Variants in MOK observed in about 807,000 individuals in gnomAD.
MOK encodes the protein MOK protein kinase.
MOK carries 59 observed loss-of-function variants against 54.2 expected under a neutral mutation model. The observed-to-expected ratio is 1.09, with a 90% CI of 0.88 to 1.35. The LOEUF (loss-of-function observed/expected upper bound fraction) is 1.35, where lower values mean the gene tolerates loss of function less well. Ranked by LOEUF, MOK falls within the 40% of genes most tolerant of loss-of-function variation. The probability of loss-of-function intolerance (pLI) is 0.00; values close to 1 mark genes in which losing one functional copy is unlikely to be tolerated. For missense variants in MOK, 517 were observed against 526.2 expected (o/e 0.98, Z 0.17); for synonymous variants, 210 against 202.7 (o/e 1.04, Z -0.31).
chr14:102,216,176 A>G, the MOK span, among the ~76,000 whole-genome samples: 4 of 152,198 alleles, frequency 2.6e-5, no homozygotes, highest in African/African-American at 7.2e-5. Flanking sequence ...GTGCTGAACT[A>G]TCTGCACTTT....
At chr14:102,246,590 G>A (rs1039386869) in intron 7 of MOK, among the ~76,000 whole-genome samples, 1 of 152,052 alleles carries the variant, frequency 6.6e-6, no homozygotes, top group Non-Finnish European at 1.5e-5. Flanking sequence ...CCCCTGCTCA[G>A]CCTATAACTG....
intron 7 of MOK, among the ~76,000 whole-genome samples, chr14:102,248,076 A>G (rs562448098): frequency 1.3e-5 from 2 of 152,256 alleles, no homozygotes; most frequent in South Asian, 2.1e-4. Flanking sequence ...GCCTTCCCCC[A>G]TAACCATCAC....
chr14:102,265,849 G>A lies in MOK; in HGVS notation c.186C>T (p.Asn62=), dbSNP rs754599742. The A allele has an allele frequency of 3.7e-6, 6 of 1,613,858 alleles. No homozygotes were observed. Among genetic ancestry groups the A allele is most frequent in the East Asian group, 2.2e-5 (1 of 44,890 alleles). Reference sequence around the variant, plus strand: ...AAACCACTTCATGCAACATAAGAATGTTTGGGTGCGGATTCAGGCGCCTCA... The same window carrying A: ...AAACCACTTCATGCAACATAAGAATATTTGGGTGCGGATTCAGGCGCCTCA... ...QALRRLNPHP[N]ILMLHEVVFD... Residue 62 remains asparagine, a synonymous_variant, in exon 3 of 12, where the codon AAC becomes AAT. Coordinates refer to ENST00000361847, the MANE Select transcript of MOK (RefSeq NM_014226.3).
At chr14:102,254,396 C>T (rs1005006959) in intron 4 of MOK, among the ~76,000 whole-genome samples, 3 of 152,184 alleles carry the variant, frequency 2.0e-5, no homozygotes, top group African/African-American at 7.2e-5. Context: ...CCTTTATCAG[C>T]TTTCCCAAGC....
chr14:102,224,593 A>G, downstream of MOK: 1 of 456,028 alleles, frequency 2.2e-6, no homozygotes, highest in South Asian at 1.5e-5. Flanking sequence ...GCATGTCTTT[A>G]CTTTCAGGCT....
intron 7 of MOK, chr14:102,234,049 A>T: frequency 2.9e-6 from 1 of 340,908 alleles, no homozygotes; most frequent in Non-Finnish European, 5.4e-6. Context: ...CCCAATATAA[A>T]CCCCTCAATC....
chr14:102,295,403 T>G (rs1028775306), intron 1 of MOK, among the ~76,000 whole-genome samples: 30 of 152,196 alleles, frequency 2.0e-4, no homozygotes, highest in African/African-American at 6.8e-4. Flanking sequence ...TTTTGTGAAA[T>G]GCAAAACTTG....
At chr14:102,279,108 C>A (rs1303572318) in intron 2 of MOK, among the ~76,000 whole-genome samples, 1 of 152,160 alleles carries the variant, frequency 6.6e-6, no homozygotes, top group African/African-American at 2.4e-5. Context: ...CCTTTAGAGT[C>A]AGAGCTGGTA....
rs901496253 is a variant in MOK, at chr14:102,263,711, C to T, written c.213-95G>A. On this transcript the variant is annotated intron_variant, in intron 3 of 11. Coordinates refer to ENST00000361847, the MANE Select transcript of MOK (RefSeq NM_014226.3). ...TTCATTTGTAAACATTTCTAGTAAA[C>T]ATTAGGTACTCCCACATCAAATACT... 25 of 757,406 alleles carry T rather than the reference C, an allele frequency of 3.3e-5. No homozygotes were observed. In the African/African-American group the frequency reaches 3.7e-4, roughly 11 times the overall value. 46.9% of individuals were successfully genotyped at this position (757,406 alleles called of 1,614,324 possible). A position where few individuals can be genotyped will look rare whatever the true frequency, so the allele number is the denominator to read the frequency against.
chr14:102,260,782 C>G (rs1477574517), intron 4 of MOK: 1 of 152,104 alleles, frequency 6.6e-6, no homozygotes, highest in Non-Finnish European at 1.5e-5. Flanking sequence ...TTCAATTATA[C>G]AATTCCTCTA....
downstream of MOK, chr14:102,223,547 C>A (rs1222461038): frequency 6.6e-6 from 1 of 152,168 alleles, no homozygotes; most frequent in Non-Finnish European, 1.5e-5. Context: ...GCAATCAACT[C>A]TGTATTATAT....
At chr14:102,256,919 G>A (rs778585605) in intron 4 of MOK, among the ~76,000 whole-genome samples, 7 of 152,014 alleles carry the variant, frequency 4.6e-5, no homozygotes, top group Non-Finnish European at 1.0e-4. Flanking sequence ...TAGGATCGCT[G>A]GCGGGTAGCC....
chr14:102,232,226 A>AT lies in MOK; in HGVS notation c.866+308dup, dbSNP rs2064792852. The AT allele has an allele frequency of 2.7e-6, 1 of 367,248 alleles. No homozygotes were observed. The allele number at this position is 367,248 out of a possible 1,614,324, so 22.7% of individuals were successfully genotyped here. A position where few individuals can be genotyped will look rare whatever the true frequency, so the allele number is the denominator to read the frequency against. Reference sequence around the variant, plus strand: ...TCTCAGAATGCATCCTGTTCACACCATTTACAAGGGCCGCACACCAGGCTC... The same window carrying AT: ...TCTCAGAATGCATCCTGTTCACACCATTTTACAAGGGCCGCACACCAGGCTC... On this transcript the variant is annotated intron_variant, in intron 9 of 11. Transcript: ENST00000361847. This position sits in a 1 kb window ranked among gnomAD's most constrained non-coding sequence, Gnocchi z 5.1.
chr14:102,232,881 T>C lies in MOK; in HGVS notation c.693-173A>G, dbSNP rs2064862682. On this transcript the variant is annotated intron_variant, in intron 8 of 11. Transcript: ENST00000361847. The surrounding 1 kb of genome is among the most constrained non-coding windows in gnomAD (Gnocchi z 5.1). ...CAAGAGGGACCCCTGATGTAAATGA[T>C]GGGCTCTGTGTAGTAATGAGATATC... The C allele has an allele frequency of 1.8e-6, 1 of 558,956 alleles. No individual in the cohort carries two copies. Among genetic ancestry groups the C allele is most frequent in the East Asian group, 3.0e-5 (1 of 33,840 alleles). The allele number at this position is 558,956 out of a possible 1,614,324, so 34.6% of individuals were successfully genotyped here. A position where few individuals can be genotyped will look rare whatever the true frequency, so the allele number is the denominator to read the frequency against.
At chr14:102,293,038 C>T (rs765075077) in intron 1 of MOK, among the ~76,000 whole-genome samples, 4 of 152,130 alleles carry the variant, frequency 2.6e-5, no homozygotes, top group Non-Finnish European at 4.4e-5. Flanking sequence ...AAGGCTGAGG[C>T]ATAAGAATCG....
chr14:102,276,704 T>A (rs2068895746), intron 2 of MOK, among the ~76,000 whole-genome samples: 1 of 149,714 alleles, frequency 6.7e-6, no homozygotes, highest in African/African-American at 2.5e-5. Flanking sequence ...GGCAGGAGAA[T>A]CACTTGAACC....
At chr14:102,300,160 C>T (rs952204310) in intron 1 of MOK, among the ~76,000 whole-genome samples, 27 of 152,056 alleles carry the variant, frequency 1.8e-4, no homozygotes, top group Admixed American at 1.6e-3. Context: ...CCGATCTCTA[C>T]TAAAAATACA....
At chr14:102,301,325 A>G (rs529605102) in intron 1 of MOK, among the ~76,000 whole-genome samples, 2 of 152,336 alleles carry the variant, frequency 1.3e-5, no homozygotes, top group African/African-American at 2.4e-5. Context: ...TGAAGCTGCC[A>G]TGCCCACCCG....
At chr14:102,260,323 C>T (rs563574517) in intron 4 of MOK, among the ~76,000 whole-genome samples, 1 of 152,096 alleles carries the variant, frequency 6.6e-6, no homozygotes, top group Admixed American at 6.6e-5. Flanking sequence ...TCCAGCCTGG[C>T]GACAGAGTGA....
Sources: allele counts gnomAD v4.1 joint callset (sites outside exome capture counted in the v4.1 genomes callset), GRCh38; gene constraint gnomAD v4.1.1; non-coding constraint Gnocchi (gnomAD v3.1); transcripts MANE v1.5; gene names NCBI Gene and HGNC (gene_info 2026-07-23, HGNC 2026-07-21).